POU2F3: variants seen among roughly 807,000 people sequenced by gnomAD.
POU2F3 encodes the protein POU domain, class 2, transcription factor 3.
A neutral mutation model predicts 59.2 loss-of-function variants in POU2F3; 23 were observed. The ratio of observed to expected loss-of-function variants is 0.39; its 90% CI spans 0.28 to 0.55. POU2F3 has a LOEUF of 0.55. Among genes scored for constraint, POU2F3 ranks in the 20% least tolerant of loss-of-function variants. POU2F3 has a pLI of 0.66. For synonymous variants in POU2F3, 190 were observed against 214.6 expected (o/e 0.89, Z 1.00); for missense variants, 473 against 544.5 (o/e 0.87, Z 1.31).
At chr11:120,274,923 A>G (rs1940258694) in intron 3 of POU2F3, among the ~76,000 whole-genome samples, 1 of 152,176 alleles carries the variant, frequency 6.6e-6, no homozygotes, top group African/African-American at 2.4e-5. Context: ...AGGTGGGGAA[A>G]ACCAACAGCA....
rs779382954 is a variant in POU2F3, at chr11:120,240,309, G to C, written c.-35G>C. 5 of 1,357,694 alleles carry C rather than the reference G, an allele frequency of 3.7e-6. No homozygotes were observed. Among genetic ancestry groups the C allele is most frequent in the South Asian group, 2.2e-5 (1 of 46,004 alleles). 84.1% of individuals were successfully genotyped at this position (1,357,694 alleles called of 1,614,324 possible). ...CGGCTGGGGCAGAGGCGAGGGGCCT[G>C]GGGGGGCGCTGGCTTTGGCCCCGCC... On this transcript the variant is annotated 5_prime_UTR_variant, in exon 1 of 13. Coordinates refer to ENST00000543440, the MANE Select transcript of POU2F3 (RefSeq NM_014352.4).
chr11:120,307,487 C>G lies in POU2F3; in HGVS notation c.778C>G (p.Pro260Ala), dbSNP rs201865274. 1 of 1,614,176 alleles carries G rather than the reference C, an allele frequency of 6.2e-7. No individual in the cohort carries two copies. The highest frequency in any genetic ancestry group is 2.2e-5 in the East Asian group (1 of 44,890). Residue 260 changes from proline to alanine, a missense_variant, in exon 9 of 13, where the codon CCG becomes GCG. By Grantham distance (27) the Pro-to-Ala change is conservative. Coordinates refer to ENST00000543440, the MANE Select transcript of POU2F3 (RefSeq NM_014352.4). ...EKWLNDAESSPSDPSVSTPSS... is the reference protein window; with the variant it reads ...EKWLNDAESSASDPSVSTPSS... ...CCTTCGTGTCCCTGCAGAGTCCTCT[C>G]CGTCAGACCCCTCAGTGAGCACGCC...
chr11:120,296,064 G>A (rs995183954), intron 3 of POU2F3, among the ~76,000 whole-genome samples: 4 of 152,110 alleles, frequency 2.6e-5, no homozygotes, highest in African/African-American at 7.2e-5. Context: ...TCCATTTGTC[G>A]ACAGGGAGAA....
chr11:120,316,375 G>T (rs1337146923), intron 11 of POU2F3, among the ~76,000 whole-genome samples: 1 of 152,212 alleles, frequency 6.6e-6, no homozygotes, highest in Non-Finnish European at 1.5e-5. Context: ...GATGGCTGGG[G>T]ACCAAGACAG....
chr11:120,301,629 C>T (rs1941349101), intron 5 of POU2F3: 1 of 153,264 alleles, frequency 6.5e-6, no homozygotes, highest in Admixed American at 6.5e-5. Context: ...AGGCAGAGTC[C>T]CTCATGTACC....
intron 2 of POU2F3, among the ~76,000 whole-genome samples, chr11:120,263,888 A>T (rs1023996607): frequency 2.0e-5 from 3 of 152,084 alleles, no homozygotes; most frequent in African/African-American, 7.2e-5. Flanking sequence ...TCTGAATAGG[A>T]GGTTAGTTTA....
At chr11:120,279,448 T>C (rs1940470131) in intron 3 of POU2F3, among the ~76,000 whole-genome samples, 1 of 152,230 alleles carries the variant, frequency 6.6e-6, no homozygotes, top group South Asian at 2.1e-4. Context: ...CATCATTTTC[T>C]CCACCACCCT....
chr11:120,256,504 T>G (rs2135156827), intron 2 of POU2F3: 1 of 152,320 alleles, frequency 6.6e-6, no homozygotes, highest in Middle Eastern at 3.4e-3. Context: ...GCCTATACAT[T>G]CACTCGTGGT....
intron 8 of POU2F3, among the ~76,000 whole-genome samples, 200 bp from the exon 9 acceptor site, chr11:120,307,279 G>A (rs1041700720): frequency 6.6e-6 from 1 of 152,238 alleles, no homozygotes; most frequent in African/African-American, 2.4e-5. Flanking sequence ...ACAATGGAGG[G>A]CCACGGAGGG....
chr11:120,282,554 G>A (rs1256721307), intron 3 of POU2F3, among the ~76,000 whole-genome samples: 2 of 152,170 alleles, frequency 1.3e-5, no homozygotes, highest in Non-Finnish European at 2.9e-5. Context: ...TATTCTGGAG[G>A]CTAAGGCACA....
chr11:120,238,021 A>G (rs942973891), upstream of POU2F3, among the ~76,000 whole-genome samples: 10 of 152,118 alleles, frequency 6.6e-5, no homozygotes, highest in African/African-American at 2.2e-4. Context: ...CAGGCAGATC[A>G]CCTGAGGTCA....
At chr11:120,304,942 T>TAAA (rs11443197) in intron 6 of POU2F3, 88 bp from the exon 7 acceptor site, 6,860 of 335,274 alleles carry the variant, frequency 0.02, 470 homozygotes, top group African/African-American at 0.09. Context: ...GGCCTATTAG[T>TAAA]AAAAAAAAAA....
chr11:120,266,490 G>T (rs1240162246), intron 2 of POU2F3, among the ~76,000 whole-genome samples: 1 of 152,060 alleles, frequency 6.6e-6, no homozygotes, highest in Non-Finnish European at 1.5e-5. Context: ...ATTGAAAATT[G>T]CAGTCTTTAT....
rs73578266 is a variant in POU2F3 at position 120,306,428 on chromosome 11, C to A, written c.769+643C>A. The stretch of plus-strand genomic sequence containing the variant: ...ACAGGATGGGGCTTCTCAACCTTGG[C>A]ACTATAGACATCCTGGGCCAGGTCA... On this transcript the variant is annotated intron_variant, in intron 8 of 12. Coordinates refer to ENST00000543440, the MANE Select transcript of POU2F3 (RefSeq NM_014352.4). 2.3e-3 allele frequency among the ~76,000 whole-genome samples: 343 copies of A among 152,266 alleles called. 1 individual carries two copies. Among genetic ancestry groups the A allele is most frequent in the African/African-American group, 7.6e-3 (317 of 41,532 alleles).
chr11:120,295,204 C>T (rs1941159685), intron 3 of POU2F3, among the ~76,000 whole-genome samples: 1 of 152,214 alleles, frequency 6.6e-6, no homozygotes, highest in Admixed American at 6.5e-5. Flanking sequence ...TGCAGGAAGA[C>T]CTGGCACAGA....
At chr11:120,301,082 C>T (rs746581530) in intron 5 of POU2F3, 43 of 456,128 alleles carry the variant, frequency 9.4e-5, no homozygotes, top group Admixed American at 2.8e-4. Flanking sequence ...AGGCTTATAA[C>T]CACCTAGGTC....
At chr11:120,269,346 G>A in intron 3 of POU2F3, 102 bp downstream of exon 3, 3 of 1,010,062 alleles carry the variant, frequency 3.0e-6, no homozygotes, top group South Asian at 3.0e-5. Flanking sequence ...GTTTGGGGGT[G>A]TTTATTCACA....
Position 120,284,172 on chromosome 11 carries a change from TC to T in POU2F3, c.133-14091del, listed in dbSNP as rs570272304. On this transcript the variant is annotated intron_variant, in intron 3 of 12. Coordinates refer to ENST00000543440, the MANE Select transcript of POU2F3 (RefSeq NM_014352.4). ...CCAGTCTGGGTGACAAGAGCAAGAC[TC>T]CATCTCAAAAATAAATACATAAATT... Among the ~76,000 whole-genome samples the T allele has an allele frequency of 3.2e-3, 491 of 152,238 alleles. 1 individual carries two copies. The highest frequency in any genetic ancestry group is 0.01 in the African/African-American group (427 of 41,526).
At chr11:120,266,257 G>A (rs188724693) in intron 2 of POU2F3, among the ~76,000 whole-genome samples, 73 of 152,020 alleles carry the variant, frequency 4.8e-4, no homozygotes, top group Non-Finnish European at 8.1e-4. Flanking sequence ...CCACATCCCC[G>A]CATCAGCCAG....
Sources: gnomAD v4.1 joint callset for allele counts (sites outside exome capture counted in the v4.1 genomes callset) on GRCh38, gnomAD v4.1.1 for gene constraint, MANE v1.5 for transcripts, NCBI Gene and HGNC (gene_info 2026-07-23, HGNC 2026-07-21) for gene names.